PTGR2: variants seen among roughly 807,000 people sequenced by gnomAD.
The protein encoded by PTGR2 is prostaglandin reductase 2.
A neutral mutation model predicts 43.4 loss-of-function variants in PTGR2; 32 were observed. The ratio of observed to expected loss-of-function variants is 0.74; its 90% confidence interval spans 0.56 to 0.99. PTGR2 has a LOEUF of 0.99. Ranked by LOEUF, PTGR2 falls within the 50% of genes least tolerant of loss-of-function variation. The pLI is 0.00. For missense variants in PTGR2, 373 were observed against 420.0 expected (o/e 0.89, Z 0.98); for synonymous variants, 106 against 139.2 (o/e 0.76, Z 1.68).
intron 5 of PTGR2, 177 bp downstream of exon 5, chr14:73,877,345 A>G: frequency 2.0e-6 from 1 of 500,126 alleles, no homozygotes; most frequent in Admixed American, 3.4e-5. Context: ...GCTCACTGCA[A>G]CCTCCGCCTC....
intron 4 of PTGR2, among the ~76,000 whole-genome samples, chr14:73,876,189 G>C (rs927666754): frequency 1.3e-5 from 2 of 152,142 alleles, no homozygotes; most frequent in Non-Finnish European, 2.9e-5. Flanking sequence ...TAGAATTTTA[G>C]CAAGACTGAT....
At chr14:73,859,536 A>G (rs190730414) in intron 2 of PTGR2, among the ~76,000 whole-genome samples, 1 of 152,052 alleles carries the variant, frequency 6.6e-6, no homozygotes, top group Non-Finnish European at 1.5e-5. Context: ...TCATACCTCA[A>G]ATTTTTCTAA....
chr14:73,870,580 A>T (rs1193105021), intron 3 of PTGR2, among the ~76,000 whole-genome samples: 1 of 152,214 alleles, frequency 6.6e-6, no homozygotes, highest in African/African-American at 2.4e-5. Context: ...CATTATGTGT[A>T]CACAGTATTT....
intron 3 of PTGR2, among the ~76,000 whole-genome samples, chr14:73,867,756 T>G (rs890704238): frequency 6.6e-6 from 1 of 152,188 alleles, no homozygotes; most frequent in African/African-American, 2.4e-5. Flanking sequence ...TCAGTCCATG[T>G]CTTAGTAATT....
intron 7 of PTGR2, 181 bp downstream of exon 7, chr14:73,880,357 G>A: frequency 1.7e-6 from 1 of 601,788 alleles, no homozygotes; most frequent in Non-Finnish European, 2.9e-6. Context: ...TGGATTGCTT[G>A]AGGCCAGGAG....
At chr14:73,862,653 C>T (rs2054519307) in intron 3 of PTGR2, among the ~76,000 whole-genome samples, 2 of 152,180 alleles carry the variant, frequency 1.3e-5, no homozygotes, top group South Asian at 4.1e-4. Flanking sequence ...TATTATATTG[C>T]AGCTATTAAA....
intron 9 of PTGR2, 94 bp from the exon 10 acceptor site, chr14:73,884,007 A>G (rs1254071051): frequency 1.3e-6 from 1 of 762,454 alleles, no homozygotes; most frequent in African/African-American, 1.8e-5. Context: ...TCATTGAAAA[A>G]GTTATTTAAC....
rs1315487580 is a variant in PTGR2, at chr14:73,880,092, T to C, written c.767T>C (p.Ile256Thr). The C allele has an allele frequency of 6.2e-7, 1 of 1,613,722 alleles. No homozygotes were observed. The highest frequency in any genetic ancestry group is 1.3e-5 in the African/African-American group (1 of 74,898). ...AGCCACATCATCCTGTGTGGTCAAA[T>C]TTCTCAGTACAACAAAGATGTGCCT... is the stretch of plus-strand genomic sequence containing the variant. The part of the protein sequence containing the change: ...ENSHIILCGQ[I>T]SQYNKDVPYP... Residue 256 changes from isoleucine (I) to threonine (T), a missense_variant, in exon 7 of 10, where the codon ATT (isoleucine) becomes ACT (threonine). Coordinates refer to ENST00000555661, the MANE Select transcript of PTGR2 (RefSeq NM_001146154.2).
intron 3 of PTGR2, among the ~76,000 whole-genome samples, chr14:73,862,896 T>TG (rs1167683221): frequency 6.6e-6 from 1 of 151,934 alleles, no homozygotes; most frequent in African/African-American, 2.4e-5. Flanking sequence ...TTTGTAGAGA[T>TG]GGGGTCTTGC....
At chr14:73,872,970 C>T (rs558714669) in intron 3 of PTGR2, among the ~76,000 whole-genome samples, 1 of 146,114 alleles carries the variant, frequency 6.8e-6, no homozygotes, top group South Asian at 2.2e-4. Flanking sequence ...GAGACTCCAT[C>T]TCAAAAAAAA....
intron 2 of PTGR2, 98 bp downstream of exon 2, chr14:73,858,997 G>A: frequency 3.2e-6 from 3 of 934,002 alleles, no homozygotes; most frequent in Non-Finnish European, 3.3e-6. Context: ...GTAAATTAAG[G>A]TAGTAAGATA....
intron 3 of PTGR2, among the ~76,000 whole-genome samples, chr14:73,873,199 C>T (rs532634087): frequency 2.6e-5 from 4 of 151,614 alleles, no homozygotes; most frequent in East Asian, 3.9e-4. Context: ...CCCAGCTACT[C>T]GGGAGGCTGA....
chr14:73,882,438 G>A lies in PTGR2; in HGVS notation c.979G>A (p.Ala327Thr). 2 of 1,560,250 alleles carry A rather than the reference G, an allele frequency of 1.3e-6. No individual in the cohort carries two copies. Among genetic ancestry groups the A allele is most frequent in the Non-Finnish European group, 1.8e-6 (2 of 1,132,316 alleles). The part of the protein sequence containing the change: ...TVINGLENMG[A>T]AFQSMMTGGN... ...AATAAATGGGTTGGAAAACATGGGA[G>A]GTAAGATGAATGTAGACTTATTATA... is the stretch of plus-strand genomic sequence containing the variant. The change falls in exon 9 of 10, where the codon GCT (alanine) becomes ACT (threonine). Residue 327 changes from alanine (A) to threonine (T), a missense_variant and splice_region_variant. Physicochemically the swap from Ala to Thr is moderately conservative, Grantham distance 58. Transcript: ENST00000555661.
chr14:73,852,869 A>G (rs983438875), intron 1 of PTGR2, among the ~76,000 whole-genome samples: 22 of 152,168 alleles, frequency 1.4e-4, no homozygotes, highest in African/African-American at 4.6e-4. Context: ...TCTGTTGCCC[A>G]GGCTGGAGTG....
rs1566635167 is a variant in PTGR2, at chr14:73,860,585, C to G, written c.84C>G (p.Val28=). The G allele has an allele frequency of 7.6e-6, 12 of 1,581,954 alleles. No individual in the cohort carries two copies. The highest frequency in any genetic ancestry group is 1.4e-5 in the African/African-American group (1 of 73,724). The change falls in exon 3 of 10, where the codon GTC becomes GTG. Residue 28 remains valine (V), a synonymous_variant. Transcript: ENST00000555661. ...CAGAGAATTTCCGAATGGAAGAAGT[C>G]TATTTACCAGATAATATTAATGAAG... ...PVAENFRMEE[V]YLPDNINEGQ... is the part of the protein sequence containing the mutation.
At chr14:73,863,281 T>A (rs938125146) in intron 3 of PTGR2, among the ~76,000 whole-genome samples, 30 of 152,136 alleles carry the variant, frequency 2.0e-4, no homozygotes, top group African/African-American at 6.8e-4. Flanking sequence ...GGCCATTTCA[T>A]ATAAATAAAA....
At chr14:73,869,469 G>T (rs999015326) in intron 3 of PTGR2, among the ~76,000 whole-genome samples, 1 of 150,822 alleles carries the variant, frequency 6.6e-6, no homozygotes, top group Non-Finnish European at 1.5e-5. Context: ...GATCACTTGA[G>T]CCCGGGAAGT....
At chr14:73,870,449 G>T (rs528369469) in intron 3 of PTGR2, among the ~76,000 whole-genome samples, 14 of 152,028 alleles carry the variant, frequency 9.2e-5, no homozygotes, top group Middle Eastern at 3.4e-3. Flanking sequence ...CAGAGTGCTG[G>T]GATTACAGAC....
At chr14:73,859,417 A>G (rs2054435317) in intron 2 of PTGR2, among the ~76,000 whole-genome samples, 1 of 152,078 alleles carries the variant, frequency 6.6e-6, no homozygotes, top group Non-Finnish European at 1.5e-5. Flanking sequence ...ATCTTTATGT[A>G]CTATTCCCAC....
Sources: gnomAD v4.1 joint callset for allele counts (sites outside exome capture counted in the v4.1 genomes callset) on GRCh38, gnomAD v4.1.1 for gene constraint, MANE v1.5 for transcripts, NCBI Gene and HGNC (gene_info 2026-07-23, HGNC 2026-07-21) for gene names.